Variants in ARFGEF3 observed in about 807,000 individuals in gnomAD.
ARFGEF3 encodes brefeldin A-inhibited guanine nucleotide-exchange protein 3.
In ARFGEF3, 96 loss-of-function variants were observed where a neutral mutation model predicts 221.7. The ratio of observed to expected loss-of-function variants is 0.43; its 90% CI spans 0.37 to 0.51. ARFGEF3 has a LOEUF of 0.51. ARFGEF3 is among the 20% of genes least tolerant of loss of function. ARFGEF3 has a pLI of 0.00. For synonymous variants in ARFGEF3, 1,145 were observed against 1,126.8 expected (o/e 1.02, Z -0.32); for missense variants, 2,410 against 2,789.9 (o/e 0.86, Z 3.07).
In ARFGEF3 at chr6:138,297,210, T is replaced by G. The variant is rs186810682; in HGVS notation, c.3648+255T>G. Among the ~76,000 whole-genome samples the G allele has an allele frequency of 1.8e-4, 27 of 152,346 alleles. No homozygotes were observed. The East Asian group carries it at 5.0e-3, about 28-fold the overall frequency. ...TTGCAATTGTACAGCTCAGCTAGTTTTCATTTTTATGATCTGGTATCAACC... is the reference window on the plus strand; with the variant it reads ...TTGCAATTGTACAGCTCAGCTAGTTGTCATTTTTATGATCTGGTATCAACC... On this transcript the variant is annotated intron_variant, in intron 21 of 33. Transcript: ENST00000251691.
At position 138,335,143 on chromosome 6, in the gene ARFGEF3, G is replaced by C. The variant is rs1780299841; in HGVS notation, c.6297G>C (p.Gly2099=). Residue 2099 remains glycine, a synonymous_variant, in exon 33 of 34, where the codon GGG becomes GGC. Coordinates refer to ENST00000251691, the MANE Select transcript of ARFGEF3 (RefSeq NM_020340.5). ...QDKRPRSGST[G]SSLSVSVRDA... ...AGAGGCCCCGCTCAGGCTCCACCGG[G>C]AGCTCCCTCAGTGTCTCGGTGAGAG... The C allele has an allele frequency of 6.3e-7, 1 of 1,589,410 alleles. No individual in the cohort carries two copies. The highest frequency in any genetic ancestry group is 1.1e-5 in the South Asian group (1 of 87,884).
intron 4 of ARFGEF3, among the ~76,000 whole-genome samples, chr6:138,226,551 G>A (rs1167674813): frequency 1.3e-5 from 2 of 151,114 alleles, no homozygotes; most frequent in African/African-American, 2.4e-5. Context: ...GCAGGACGCT[G>A]CCCATCACTC....
At chr6:138,215,144 A>G (rs993255283) in intron 4 of ARFGEF3, among the ~76,000 whole-genome samples, 1 of 152,238 alleles carries the variant, frequency 6.6e-6, no homozygotes, top group African/African-American at 2.4e-5. Flanking sequence ...GGATCTAATG[A>G]CTTCTCTGAC....
chr6:138,192,025 G>A (rs1777313442), intron 2 of ARFGEF3, among the ~76,000 whole-genome samples: 1 of 152,156 alleles, frequency 6.6e-6, no homozygotes, highest in East Asian at 1.9e-4. Flanking sequence ...TCGGTGCTAC[G>A]CTGAGTCCTA....
intron 13 of ARFGEF3, among the ~76,000 whole-genome samples, chr6:138,278,874 G>T (rs1457677754): frequency 3.9e-5 from 6 of 152,172 alleles, no homozygotes. Context: ...TGAGGCTCTG[G>T]AAATGGCTGC....
At chr6:138,312,883 T>C (rs1779855375) in intron 25 of ARFGEF3, among the ~76,000 whole-genome samples, 1 of 152,176 alleles carries the variant, frequency 6.6e-6, no homozygotes, top group Admixed American at 6.5e-5. Flanking sequence ...CTAATTTTTG[T>C]ATTTTTAGTA....
intron 2 of ARFGEF3, among the ~76,000 whole-genome samples, chr6:138,192,186 T>C (rs897921685): frequency 3.3e-5 from 5 of 152,104 alleles, no homozygotes; most frequent in African/African-American, 1.2e-4. Flanking sequence ...GTTGAGCCTC[T>C]TTACAGAAAT....
At chr6:138,225,668 A>T (rs188632001) in intron 4 of ARFGEF3, among the ~76,000 whole-genome samples, 133 of 152,348 alleles carry the variant, frequency 8.7e-4, no homozygotes, top group African/African-American at 3.1e-3. Context: ...CCTAAAAGGG[A>T]GGACAGAAGG....
rs1359764253 is a variant in ARFGEF3, at chr6:138,255,626, A to G, written c.961A>G (p.Thr321Ala). Reference sequence around the variant, plus strand: ...GGCCCTGAGCGGACCTGTGGCTCGGACTATCTATTACATCGCAGCCGAGCT... The same window carrying G: ...GGCCCTGAGCGGACCTGTGGCTCGGGCTATCTATTACATCGCAGCCGAGCT... ...APALSGPVAR[T>A]IYYIAAELVR... The change falls in exon 10 of 34, where the codon ACT becomes GCT. Residue 321 changes from threonine to alanine, a missense_variant. Around this residue, in one of 5 missense-constraint regions of ARFGEF3, gnomAD observed 570 missense variants for 586.9 expected, o/e 0.97. Coordinates refer to ENST00000251691, the MANE Select transcript of ARFGEF3 (RefSeq NM_020340.5). 3.1e-6 allele frequency: 5 copies of G among 1,613,786 alleles called. No homozygotes were observed. Among genetic ancestry groups the G allele is most frequent in the Non-Finnish European group, 4.2e-6 (5 of 1,179,860 alleles).
intron 22 of ARFGEF3, among the ~76,000 whole-genome samples, chr6:138,299,159 G>T (rs1012275262): frequency 8.2e-6 from 1 of 122,652 alleles, no homozygotes; most frequent in South Asian, 2.9e-4. Flanking sequence ...GATCAATCAC[G>T]CCACTGCACT....
chr6:138,293,205 G>C (rs1397584561), intron 19 of ARFGEF3, among the ~76,000 whole-genome samples: 1 of 152,190 alleles, frequency 6.6e-6, no homozygotes, highest in Non-Finnish European at 1.5e-5. Flanking sequence ...CACTAGGCTT[G>C]GAGGGCAGAT....
intron 32 of ARFGEF3, among the ~76,000 whole-genome samples, chr6:138,330,314 G>A (rs533524801): frequency 2.6e-5 from 4 of 152,226 alleles, no homozygotes; most frequent in South Asian, 2.1e-4. Flanking sequence ...TCTTTCTGCC[G>A]TGTGAGGATT....
intron 30 of ARFGEF3, 114 bp downstream of exon 30, chr6:138,323,887 T>A: frequency 6.5e-7 from 1 of 1,542,722 alleles, no homozygotes; most frequent in Non-Finnish European, 8.9e-7. Context: ...AGTCTCACTT[T>A]AGATCTTGCA....
chr6:138,186,760 G>A (rs1351610339), intron 2 of ARFGEF3, among the ~76,000 whole-genome samples: 1 of 152,170 alleles, frequency 6.6e-6, no homozygotes, highest in African/African-American at 2.4e-5. Flanking sequence ...CAAAACAACT[G>A]AGACTTGTAG....
intron 2 of ARFGEF3, among the ~76,000 whole-genome samples, chr6:138,188,161 G>T (rs1394734331): frequency 6.6e-6 from 1 of 152,174 alleles, no homozygotes; most frequent in Non-Finnish European, 1.5e-5. Context: ...GCACCCATAT[G>T]TGTACTTTTG....
At chr6:138,298,451 A>C (rs1400465925) in intron 21 of ARFGEF3, among the ~76,000 whole-genome samples, 155 bp from the exon 22 acceptor site, 1 of 152,220 alleles carries the variant, frequency 6.6e-6, no homozygotes, top group Non-Finnish European at 1.5e-5. Context: ...GCAATTTAGT[A>C]TGCAGTTTGT....
At chr6:138,303,474 C>T (rs1452452101) in intron 22 of ARFGEF3, among the ~76,000 whole-genome samples, 4 of 152,162 alleles carry the variant, frequency 2.6e-5, no homozygotes, top group East Asian at 1.9e-4. Flanking sequence ...ATCAAAACCA[C>T]GTGAGATACT....
chr6:138,238,694 G>T, intron 6 of ARFGEF3, 63 bp downstream of exon 6: 4 of 1,562,622 alleles, frequency 2.6e-6, no homozygotes, highest in Non-Finnish European at 3.5e-6. Context: ...CCCATGCCCC[G>T]GGGCCCCCAC....
At chr6:138,287,036 A>G (rs1241271621) in intron 16 of ARFGEF3, 38 bp from the exon 17 acceptor site, 10 of 1,558,444 alleles carry the variant, frequency 6.4e-6, no homozygotes, top group Middle Eastern at 3.3e-4. Context: ...GTTAGAGGAT[A>G]TACTCAGTCA....
Sources: gnomAD v4.1 joint callset for allele counts (sites outside exome capture counted in the v4.1 genomes callset) on GRCh38, gnomAD v4.1.1 for gene constraint, gnomAD v4.1.1 regional missense constraint, MANE v1.5 for transcripts, NCBI Gene and HGNC (gene_info 2026-07-23, HGNC 2026-07-21) for gene names.